The following TRAK1 variants were observed in gnomAD, a reference collection of about 807,000 sequenced individuals.
TRAK1 encodes trafficking kinesin protein 1.
TRAK1 carries 33 observed loss-of-function variants against 92.1 expected under a neutral mutation model. The ratio of observed to expected loss-of-function variants is 0.36; its 90% confidence interval spans 0.27 to 0.48. TRAK1 has a LOEUF of 0.48. TRAK1 is among the 20% of genes least tolerant of loss of function. The pLI, the probability that TRAK1 is intolerant of heterozygous loss-of-function variation, is 0.99. For synonymous variants in TRAK1, 521 were observed against 517.3 expected (o/e 1.01, Z -0.10); for missense variants, 1,123 against 1,257.9 (o/e 0.89, Z 1.62).
At chr3:42,120,715 T>G (rs1401841033) in intron 1 of TRAK1, among the ~76,000 whole-genome samples, 1 of 152,120 alleles carries the variant, frequency 6.6e-6, no homozygotes, top group Admixed American at 6.5e-5. Context: ...ACCCACCTAA[T>G]TTTTGTATTT....
At chr3:42,042,012 G>A (rs973903742) in intron 1 of TRAK1, among the ~76,000 whole-genome samples, 2 of 152,084 alleles carry the variant, frequency 1.3e-5, no homozygotes, top group African/African-American at 2.4e-5. Context: ...GGCTGGTCTT[G>A]AACTCCCAAC....
rs1703281558 is a variant in TRAK1, at chr3:42,176,818, A to G, written c.291A>G (p.Leu97=). 1.2e-6 allele frequency: 2 copies of G among 1,613,492 alleles called. No homozygotes were observed. Among genetic ancestry groups the G allele is most frequent in the Non-Finnish European group, 1.7e-6 (2 of 1,179,510 alleles). ...QIEETLKYFL[L]CAERVGQMTK... is the part of the protein sequence containing the mutation. Reference sequence around the variant, plus strand: ...TGTCATTTTTATTTCTTACAGTTTTATGTGCTGAAAGAGTTGGCCAGATGA... The same window carrying G: ...TGTCATTTTTATTTCTTACAGTTTTGTGTGCTGAAAGAGTTGGCCAGATGA... Residue 97 remains leucine, a synonymous_variant, in exon 3 of 16, where the codon TTA becomes TTG. Transcript: ENST00000327628.
At chr3:42,210,276 T>C (rs565019597) in intron 14 of TRAK1, 1 of 1,519,376 alleles carries the variant, frequency 6.6e-7, no homozygotes. Flanking sequence ...GCATTCTCAT[T>C]GCACAGTTCT....
chr3:42,160,545 A>T, intron 2 of TRAK1: 126 of 1,303,192 alleles, frequency 9.7e-5, no homozygotes, highest in Middle Eastern at 2.0e-4. Context: ...TGTTTTGCTG[A>T]TTTCATAGCA....
At chr3:42,066,094 G>A (rs1046466277) in intron 1 of TRAK1, among the ~76,000 whole-genome samples, 10 of 152,178 alleles carry the variant, frequency 6.6e-5, no homozygotes, top group Admixed American at 5.9e-4. Context: ...GGGAGGCTGA[G>A]GCAGGCAAAT....
intron 2 of TRAK1, among the ~76,000 whole-genome samples, chr3:42,132,879 G>A (rs781721037): frequency 4.6e-5 from 7 of 152,068 alleles, no homozygotes; most frequent in Non-Finnish European, 1.0e-4. Context: ...CATCCATTGC[G>A]GAAAGTGGAT....
At chr3:42,220,447 G>A (rs1212038566) in intron 15 of TRAK1, 4 of 980,808 alleles carry the variant, frequency 4.1e-6, no homozygotes, top group Non-Finnish European at 4.8e-6. Context: ...AAGCAGAAGG[G>A]GTGGGAACAG....
At chr3:42,046,505 T>C (rs534722486) in intron 1 of TRAK1, among the ~76,000 whole-genome samples, 1 of 152,322 alleles carries the variant, frequency 6.6e-6, no homozygotes, top group South Asian at 2.1e-4. Context: ...CTCGCCTGGC[T>C]GCCTGGGCTT....
At chr3:42,133,215 C>T (rs73066381) in intron 2 of TRAK1, among the ~76,000 whole-genome samples, 14,815 of 152,106 alleles carry the variant, frequency 0.097, 1,053 homozygotes, top group Non-Finnish European at 0.14. Context: ...TCTTCGGAGA[C>T]TCTGTGACCT....
chr3:42,013,663 G>C (rs1014616303), upstream of TRAK1: 1 of 147,814 alleles, frequency 6.8e-6, no homozygotes, highest in Non-Finnish European at 1.5e-5. The surrounding 1 kb of genome is among the most constrained non-coding windows in gnomAD (Gnocchi z 5.1). Context: ...GAGCCATGGC[G>C]AGAGGCCGCG....
intron 4 of TRAK1, among the ~76,000 whole-genome samples, chr3:42,185,821 G>A (rs1353762670): frequency 2.0e-5 from 3 of 151,438 alleles, no homozygotes; most frequent in Non-Finnish European, 4.4e-5. Context: ...ACAGGTGCCT[G>A]CCACCACACC....
chr3:42,083,158 T>A (rs1704513780), upstream of TRAK1, among the ~76,000 whole-genome samples: 1 of 152,242 alleles, frequency 6.6e-6, no homozygotes, highest in African/African-American at 2.4e-5. Flanking sequence ...ACTTGTGAAC[T>A]TGAGCATCGT....
intron 15 of TRAK1, chr3:42,220,651 C>G (rs968720844): frequency 1.1e-4 from 106 of 963,550 alleles, no homozygotes; most frequent in Non-Finnish European, 1.3e-4. Context: ...GCTGTGTGTG[C>G]ACGCGTGGCC....
chr3:42,089,279 C>G (rs1203904595), upstream of TRAK1, among the ~76,000 whole-genome samples: 14 of 152,218 alleles, frequency 9.2e-5, no homozygotes, highest in Admixed American at 9.2e-4. Flanking sequence ...CCAGCATTTA[C>G]TGTGTCCCAG....
intron 2 of TRAK1, among the ~76,000 whole-genome samples, chr3:42,129,432 CCT>C (rs898393889): frequency 3.3e-5 from 5 of 152,058 alleles, no homozygotes; most frequent in South Asian, 2.1e-4. Flanking sequence ...ACATCCTCCC[CCT>C]GAGTGGAGAA....
chr3:42,028,880 G>A (rs768647369), intron 1 of TRAK1, among the ~76,000 whole-genome samples: 2 of 152,074 alleles, frequency 1.3e-5, no homozygotes, highest in South Asian at 4.1e-4. Flanking sequence ...TTTATGAGAC[G>A]GTATGTTAGT....
intron 13 of TRAK1, chr3:42,203,320 G>A: frequency 2.0e-6 from 2 of 988,668 alleles, no homozygotes; most frequent in Non-Finnish European, 2.4e-6. Context: ...GCGGCTCCTA[G>A]AGTCTACAAT....
rs555637474 is a variant in TRAK1 at position 42,132,267 on chromosome 3, A to AT, written c.286+6665dup. The stretch of plus-strand genomic sequence containing the variant: ...TTGTTTTTTTTTTTTTGTTTGGTGT[A>AT]TTTTTTTTTTTTGAGTCAGTCTTCT... On this transcript the variant is annotated intron_variant, in intron 2 of 15. Transcript: ENST00000327628. Among the ~76,000 whole-genome samples, 620 of 118,148 alleles carry AT rather than the reference A, an allele frequency of 5.2e-3. 6 individuals carry two copies. The highest frequency in any genetic ancestry group is 0.047 in the South Asian group (179 of 3,846). The allele number at this position is 118,148 out of a possible 152,430, so 77.5% of individuals were successfully genotyped here.
At position 42,093,879 on chromosome 3, in the gene TRAK1, T is replaced by A. The variant is rs185780299; in HGVS notation, c.91+2319T>A. On this transcript the variant is annotated intron_variant, in intron 1 of 15. Coordinates refer to ENST00000327628, the MANE Select transcript of TRAK1 (RefSeq NM_001042646.3). ...CACCACGCCCAGCTATTTTTTTGTA[T>A]TTTTAGTAGAGACAGGGTTTTGCCA... is the stretch of plus-strand genomic sequence containing the variant. 4.1e-3 allele frequency among the ~76,000 whole-genome samples: 626 copies of A among 151,536 alleles called. 4 individuals are homozygous for A. The highest frequency in any genetic ancestry group is 0.01 in the Middle Eastern group (3 of 294).
Sources: gnomAD v4.1 joint callset for allele counts (sites outside exome capture counted in the v4.1 genomes callset) on GRCh38, gnomAD v4.1.1 for gene constraint, Gnocchi (gnomAD v3.1) non-coding constraint, MANE v1.5 for transcripts, NCBI Gene and HGNC (gene_info 2026-07-23, HGNC 2026-07-21) for gene names.